The following DMD variants were observed in gnomAD, a reference collection of about 807,000 sequenced individuals.
The protein encoded by DMD is dystrophin.
DMD carries 63 observed loss-of-function variants against 330.1 expected under a neutral mutation model. The ratio of observed to expected loss-of-function variants is 0.19; its 90% CI spans 0.16 to 0.24. The LOEUF (loss-of-function observed/expected upper bound fraction) is 0.24, where lower values mean the gene tolerates loss of function less well. Among genes scored for constraint, DMD ranks in the 10% least tolerant of loss-of-function variants. The pLI is 1.00. For missense variants in DMD, 3,344 were observed against 2,684.1 expected (o/e 1.25, Z -5.43); for synonymous variants, 1,223 against 959.8 (o/e 1.27, Z -5.07).
At chrX:32,775,961 C>G (rs939275383) in intron 7 of DMD, among the ~76,000 whole-genome samples, 5 of 112,045 alleles carry the variant, frequency 4.5e-5, no homozygotes, top group Non-Finnish European at 9.4e-5. Flanking sequence ...TCTGTGAACG[C>G]ATATAACCGT....
Position 32,565,951 on chromosome X carries a change from T to A in DMD, c.1813-70A>T, listed in dbSNP as rs1383318847. On this transcript the variant is annotated intron_variant, in intron 15 of 78. Transcript: ENST00000357033. ...CATACACCACTATAGTTCAATCTGC[T>A]TTTGCGTGTATTTGCTCATTTGCAT... 4 of 969,652 alleles carry A rather than the reference T, an allele frequency of 4.1e-6. No individual in the cohort carries two copies. In the South Asian group the frequency reaches 8.1e-5, roughly 20 times the overall value. The allele number at this position is 969,652 out of a possible 1,213,427, so 79.9% of individuals were successfully genotyped here. A position where few individuals can be genotyped will look rare whatever the true frequency, so the allele number is the denominator to read the frequency against.
At chrX:32,801,843 C>G (rs777982780) in intron 7 of DMD, among the ~76,000 whole-genome samples, 1 of 110,883 alleles carries the variant, frequency 9.0e-6, no homozygotes, top group Non-Finnish European at 1.9e-5. Flanking sequence ...ATTTCTGAGG[C>G]CTCTGTTCTG....
chrX:33,006,648 C>T (rs1202230313), intron 2 of DMD, among the ~76,000 whole-genome samples: 2 of 111,662 alleles, frequency 1.8e-5, no homozygotes, highest in African/African-American at 6.5e-5. Flanking sequence ...GTTGTACACA[C>T]TCATACAATG....
intron 60 of DMD, among the ~76,000 whole-genome samples, chrX:31,415,767 A>G (rs1209196228): frequency 2.7e-5 from 3 of 110,798 alleles, no homozygotes; most frequent in African/African-American, 9.8e-5. Context: ...TGCAAACTTC[A>G]CCGCACTTTG....
chrX:31,322,625 C>A (rs1181430671), intron 62 of DMD, among the ~76,000 whole-genome samples: 1 of 111,791 alleles, frequency 8.9e-6, no homozygotes, highest in Non-Finnish European at 1.9e-5. Flanking sequence ...GGCATAAAAT[C>A]AAATTTCTTG....
chrX:32,562,138 G>T (rs1361662620), intron 16 of DMD, among the ~76,000 whole-genome samples: 1 of 111,849 alleles, frequency 8.9e-6, no homozygotes, highest in Non-Finnish European at 1.9e-5. Flanking sequence ...AGTTTTTAAA[G>T]AAGTCAATCC....
chrX:33,211,428 A>G lies in DMD; in HGVS notation c.-116T>C, dbSNP rs773327329. 2 of 1,155,424 alleles carry G rather than the reference A, an allele frequency of 1.7e-6. No homozygotes were observed. Among genetic ancestry groups the G allele is most frequent in the African/African-American group, 1.8e-5 (1 of 54,973 alleles). ...AACCAACAAACTTCAGCAGCTTTAA[A>G]AAAAGTAACACTTCAGTTTTTCCTA... On this transcript the variant is annotated 5_prime_UTR_variant, in exon 1 of 79. Coordinates refer to ENST00000357033, the MANE Select transcript of DMD (RefSeq NM_004006.3).
At chrX:31,783,481 T>C (rs1361396675) in intron 50 of DMD, among the ~76,000 whole-genome samples, 1 of 111,339 alleles carries the variant, frequency 9.0e-6, no homozygotes, top group Non-Finnish European at 1.9e-5. Context: ...ACAAGCCTCA[T>C]CCACCAGAGG....
intron 7 of DMD, among the ~76,000 whole-genome samples, chrX:32,743,586 G>A (rs1168093649): frequency 1.8e-5 from 2 of 111,279 alleles, no homozygotes; most frequent in East Asian, 2.8e-4. Flanking sequence ...TGAACCCATA[G>A]TTACAGTTTC....
intron 59 of DMD, among the ~76,000 whole-genome samples, chrX:31,471,211 T>C (rs1273261780): frequency 9.0e-6 from 1 of 111,554 alleles, no homozygotes; most frequent in African/African-American, 3.3e-5. Flanking sequence ...AAAAAACGCC[T>C]GCAGCTAGCT....
intron 67 of DMD, among the ~76,000 whole-genome samples, chrX:31,197,740 C>T (rs996712172): frequency 1.8e-5 from 2 of 111,436 alleles, no homozygotes; most frequent in Admixed American, 1.9e-4. Context: ...AAAATGTTTA[C>T]TGAAGAAGAT....
intron 2 of DMD, among the ~76,000 whole-genome samples, chrX:32,923,726 T>A (rs1005235252): frequency 2.7e-5 from 3 of 111,900 alleles, no homozygotes; most frequent in African/African-American, 9.7e-5. Context: ...TTTCATCACA[T>A]GGATTTGTTA....
intron 62 of DMD, among the ~76,000 whole-genome samples, chrX:31,316,923 T>C (rs1479333420): frequency 8.9e-6 from 1 of 112,376 alleles, no homozygotes; most frequent in Non-Finnish European, 1.9e-5. Context: ...GATTCTCTGT[T>C]GCATCCACTT....
intron 44 of DMD, among the ~76,000 whole-genome samples, chrX:32,205,045 A>C (rs113025051): frequency 1.5e-3 from 135 of 92,791 alleles, no homozygotes; most frequent in African/African-American, 5.4e-3. Context: ...ACACACACCC[A>C]CACACACACA....
At chrX:32,773,150 A>G (rs1367643780) in intron 7 of DMD, among the ~76,000 whole-genome samples, 1 of 112,368 alleles carries the variant, frequency 8.9e-6, no homozygotes, top group Non-Finnish European at 1.9e-5. Context: ...ACTGGAGGAC[A>G]TTACAGGTGT....
intron 57 of DMD, among the ~76,000 whole-genome samples, chrX:31,489,684 C>T (rs769482413): frequency 3.6e-5 from 4 of 111,193 alleles, no homozygotes; most frequent in Non-Finnish European, 7.5e-5. Flanking sequence ...TTGAAAGAAC[C>T]AATAAATTCT....
chrX:31,154,925 T>G (rs1365333934), intron 74 of DMD, among the ~76,000 whole-genome samples: 1 of 112,185 alleles, frequency 8.9e-6, no homozygotes, highest in Non-Finnish European at 1.9e-5. Flanking sequence ...AAGTCTTCCA[T>G]CCAGTATTTC....
At chrX:31,486,457 C>A (rs1320201850) in intron 57 of DMD, among the ~76,000 whole-genome samples, 1 of 112,460 alleles carries the variant, frequency 8.9e-6, no homozygotes, top group Non-Finnish European at 1.9e-5. Context: ...AGTGTCACTG[C>A]TGAGTTACTG....
At chrX:31,962,230 T>A (rs2095313202) in intron 45 of DMD, among the ~76,000 whole-genome samples, 1 of 111,588 alleles carries the variant, frequency 9.0e-6, no homozygotes, top group South Asian at 3.8e-4. Flanking sequence ...CAATATTAAG[T>A]GTTATCACCA....
Sources: gnomAD v4.1 joint callset for allele counts (sites outside exome capture counted in the v4.1 genomes callset) on GRCh38, gnomAD v4.1.1 for gene constraint, MANE v1.5 for transcripts, NCBI Gene and HGNC (gene_info 2026-07-23, HGNC 2026-07-21) for gene names.